Variants in WHAMM observed in about 807,000 individuals in gnomAD.
The protein encoded by WHAMM is WASP homolog-associated protein with actin, membranes and microtubules.
In WHAMM, 67 loss-of-function variants were observed where a neutral mutation model predicts 76.5. The ratio of observed to expected loss-of-function variants is 0.88; its 90% CI spans 0.72 to 1.07. The LOEUF is 1.07. Ranked by LOEUF, WHAMM falls within the 50% of genes least tolerant of loss-of-function variation. The probability of loss-of-function intolerance (pLI) is 0.00; values close to 1 mark genes in which losing one functional copy is unlikely to be tolerated. For missense variants in WHAMM, 1,021 were observed against 1,051.1 expected (o/e 0.97, Z 0.40); for synonymous variants, 419 against 422.1 (o/e 0.99, Z 0.09).
chr15:82,810,117 TG>T lies in WHAMM; in HGVS notation c.393del (p.Trp131CysfsTer85). ...GLGLGLWALL[W>X]PTRAGPGEAA... Reference sequence around the variant, plus strand: ...GGGGCTCGGGCTGTGGGCGCTGCTGTGGCCGACGCGCGCGGGTCCCGGCGAG... The same window carrying T: ...GGGGCTCGGGCTGTGGGCGCTGCTGTGCCGACGCGCGCGGGTCCCGGCGAG... On this transcript the variant is annotated frameshift_variant, in exon 1 of 10. Coordinates refer to ENST00000286760, the MANE Select transcript of WHAMM (RefSeq NM_001080435.3). LOFTEE classifies it high-confidence loss of function. The T allele has an allele frequency of 7.5e-7, 1 of 1,341,098 alleles. No homozygotes were observed. Among genetic ancestry groups the T allele is most frequent in the South Asian group, 1.6e-5 (1 of 61,854 alleles). 83.1% of individuals were successfully genotyped at this position (1,341,098 alleles called of 1,614,324 possible).
At chr15:82,827,386 C>A (rs1422402083) in intron 8 of WHAMM, among the ~76,000 whole-genome samples, 2 of 151,014 alleles carry the variant, frequency 1.3e-5, no homozygotes, top group Non-Finnish European at 2.9e-5. Context: ...ATTTGTATTT[C>A]CTCCACAAAA....
At position 82,832,991 on chromosome 15, in the gene WHAMM, G is replaced by C. The variant is rs200522957; in HGVS notation, c.2123-238G>C. ...CATGTCTGTTCCTGTCAGTTGCTATGGATTTGAAGAAGTTAGCAGAAAGGA... is the reference window on the plus strand; with the variant it reads ...CATGTCTGTTCCTGTCAGTTGCTATCGATTTGAAGAAGTTAGCAGAAAGGA... On this transcript the variant is annotated intron_variant, in intron 9 of 9. Transcript: ENST00000286760. Among the ~76,000 whole-genome samples, 9 of 152,288 alleles carry C rather than the reference G, an allele frequency of 5.9e-5. No homozygotes were observed. The East Asian group carries it at 1.7e-3, about 29-fold the overall frequency.
chr15:82,826,092 A>G (rs1236697356), intron 6 of WHAMM, among the ~76,000 whole-genome samples: 2 of 152,190 alleles, frequency 1.3e-5, no homozygotes, highest in African/African-American at 4.8e-5. Context: ...TTATGGGGAA[A>G]TGTGTTTAAA....
rs1304083908 is a variant in WHAMM, at chr15:82,835,986, C to T, written c.*2450C>T. On this transcript the variant is annotated 3_prime_UTR_variant, in exon 10 of 10. Transcript: ENST00000286760. ...TAATTTCAGTATTTTGAGATACCAG[C>T]GAGCTTAATCAGGCTAAAATAATTC... The T allele has an allele frequency of 1.3e-5, 2 of 152,188 alleles. No homozygotes were observed. The highest frequency in any genetic ancestry group is 2.4e-5 in the African/African-American group (1 of 41,436). 9.4% of individuals were successfully genotyped at this position (152,188 alleles called of 1,614,324 possible).
rs772916549 is a variant in WHAMM, at chr15:82,809,966, C to T, written c.240C>T (p.Gly80=). ...EAAVSPSSWA[G]LLSAAGLRGA... is the part of the protein sequence containing the mutation. ...CCGTCTCCCCGTCCAGCTGGGCCGG[C>T]CTGCTCTCGGCCGCGGGGCTCCGCG... The change falls in exon 1 of 10, where the codon GGC becomes GGT. Residue 80 remains glycine (G), a synonymous_variant. Transcript: ENST00000286760. 18 of 1,345,446 alleles carry T rather than the reference C, an allele frequency of 1.3e-5. No individual in the cohort carries two copies. In the East Asian group the frequency reaches 4.3e-4, roughly 32 times the overall value. The allele number at this position is 1,345,446 out of a possible 1,614,324, so 83.3% of individuals were successfully genotyped here.
At chr15:82,820,321 A>C (rs1322400995) in intron 5 of WHAMM, among the ~76,000 whole-genome samples, 1 of 152,208 alleles carries the variant, frequency 6.6e-6, no homozygotes, top group Non-Finnish European at 1.5e-5. Flanking sequence ...ATGGCTGCAT[A>C]GTATTCCATT....
intron 5 of WHAMM, among the ~76,000 whole-genome samples, chr15:82,822,470 C>T (rs918001020): frequency 6.6e-6 from 1 of 152,180 alleles, no homozygotes; most frequent in African/African-American, 2.4e-5. Context: ...TGGAGTCTTG[C>T]TCTGTTGCCC....
intron 2 of WHAMM, among the ~76,000 whole-genome samples, chr15:82,813,835 T>G (rs904229188): frequency 1.6e-4 from 24 of 151,700 alleles, no homozygotes; most frequent in Non-Finnish European, 2.9e-4. Context: ...TTTTTTTGTA[T>G]TTTTAGTAGA....
intron 5 of WHAMM, among the ~76,000 whole-genome samples, chr15:82,820,896 CAAAAAAAAAAAAAA>C (rs60974626): frequency 1.8e-4 from 22 of 119,618 alleles, no homozygotes; most frequent in Admixed American, 1.7e-4. Context: ...GACTCTGTCT[CAAAAAAAAAAAAAA>C]AAAAAAAAAA....
Position 82,826,859 on chromosome 15 carries a change from A to AG in WHAMM, c.1641+13_1641+14insG. On this transcript the variant is annotated intron_variant, in intron 8 of 9. Transcript: ENST00000286760. ...ATCATTTAAAGATGTAAGTTCTATAAACAATCACCTCATCTACACTTCTGG... is the reference window on the plus strand; with the variant it reads ...ATCATTTAAAGATGTAAGTTCTATAAGACAATCACCTCATCTACACTTCTGG... 6.8e-7 allele frequency: 1 copy of AG among 1,479,022 alleles called. No homozygotes were observed. Among genetic ancestry groups the AG allele is most frequent in the Non-Finnish European group, 9.0e-7 (1 of 1,110,948 alleles). 91.6% of individuals were successfully genotyped at this position (1,479,022 alleles called of 1,614,324 possible).
intron 9 of WHAMM, 87 bp from the exon 10 acceptor site, chr15:82,833,142 T>C (rs769239914): frequency 2.2e-6 from 3 of 1,384,960 alleles, no homozygotes; most frequent in Non-Finnish European, 2.9e-6. Flanking sequence ...TGTTAACTGA[T>C]AGGAGATTTC....
chr15:82,815,111 TTATATATA>T lies in WHAMM; in HGVS notation c.784-1544_784-1537del, dbSNP rs147147568. Among the ~76,000 whole-genome samples the T allele has an allele frequency of 9.5e-4, 47 of 49,622 alleles. 1 individual carries two copies. The highest frequency in any genetic ancestry group is 1.5e-3 in the East Asian group (2 of 1,362). The allele number at this position is 49,622 out of a possible 152,430, so 32.6% of individuals were successfully genotyped here. On this transcript the variant is annotated intron_variant, in intron 2 of 9. Coordinates refer to ENST00000286760, the MANE Select transcript of WHAMM (RefSeq NM_001080435.3). ...TGTTTTAAGATATCACTCACAGATT[TTATATATA>T]TATATATATATATATATATATATAT...
Position 82,810,248 on chromosome 15 carries a change from C to T in WHAMM, c.522C>T (p.Gly174=). The change falls in exon 1 of 10, where the codon GGC becomes GGT. Residue 174 remains glycine, a synonymous_variant. Coordinates refer to ENST00000286760, the MANE Select transcript of WHAMM (RefSeq NM_001080435.3). ...GCGACGCACTCTTCCCGGCTGAGGG[C>T]GGCGCGGCCGACTGCGAAAGCCCGC... ...TVRDALFPAE[G]GAADCESPRE... The T allele has an allele frequency of 5.0e-6, 7 of 1,391,168 alleles. No homozygotes were observed. Among genetic ancestry groups the T allele is most frequent in the Non-Finnish European group, 5.6e-6 (6 of 1,074,044 alleles). 86.2% of individuals were successfully genotyped at this position (1,391,168 alleles called of 1,614,324 possible).
chr15:82,809,979 G>A lies in WHAMM; in HGVS notation c.253G>A (p.Ala85Thr). The A allele has an allele frequency of 7.8e-7, 1 of 1,287,916 alleles. No homozygotes were observed. Among genetic ancestry groups the A allele is most frequent in the Non-Finnish European group, 9.8e-7 (1 of 1,019,000 alleles). 79.8% of individuals were successfully genotyped at this position (1,287,916 alleles called of 1,614,324 possible). Residue 85 changes from alanine (A) to threonine (T), a missense_variant, in exon 1 of 10, where the codon GCG becomes ACG. Physicochemically the swap from Ala to Thr is moderately conservative, Grantham distance 58. Around this residue, in one of 3 missense-constraint regions of WHAMM, gnomAD observed 501 missense variants for 524.9 expected, o/e 0.95. Transcript: ENST00000286760. ...CAGCTGGGCCGGCCTGCTCTCGGCC[G>A]CGGGGCTCCGCGGCGCGCACCGGCA... The part of the protein sequence containing the change: ...PSSWAGLLSA[A>T]GLRGAHRQLA...
chr15:82,811,623 C>G (rs2050630514), intron 1 of WHAMM, among the ~76,000 whole-genome samples: 1 of 152,064 alleles, frequency 6.6e-6, no homozygotes, highest in Non-Finnish European at 1.5e-5. Flanking sequence ...GGAGAGGAAG[C>G]TTAAATTCAA....
In WHAMM at chr15:82,810,192, G is replaced by GCGGCCGA. The variant is rs1491246519; in HGVS notation, c.471_477dup (p.Cys160ArgfsTer16). 7.1e-7 allele frequency: 1 copy of GCGGCCGA among 1,404,932 alleles called. No individual in the cohort carries two copies. Among genetic ancestry groups the GCGGCCGA allele is most frequent in the Admixed American group, 2.6e-5 (1 of 38,250 alleles). The allele number at this position is 1,404,932 out of a possible 1,614,324, so 87.0% of individuals were successfully genotyped here. ...GCAGCTGGAACGCTATCTGGGCGCG[G>GCGGCCGA]CGGCCGACGGCTGCGGCGGCGCCAC... On this transcript the variant is annotated frameshift_variant, in exon 1 of 10. Coordinates refer to ENST00000286760, the MANE Select transcript of WHAMM (RefSeq NM_001080435.3). LOFTEE classifies it high-confidence loss of function.
intron 6 of WHAMM, 29 bp downstream of exon 6, chr15:82,823,316 C>T: frequency 7.4e-7 from 1 of 1,358,928 alleles, no homozygotes; most frequent in Non-Finnish European, 9.6e-7. Context: ...GCTTTCTTTT[C>T]TTTTCTCTTT....
rs2051077919 is a variant in WHAMM, at chr15:82,833,676, C to T, written c.*140C>T. 1 of 893,822 alleles carries T rather than the reference C, an allele frequency of 1.1e-6. No homozygotes were observed. The highest frequency in any genetic ancestry group is 1.6e-6 in the Non-Finnish European group (1 of 609,080). The allele number at this position is 893,822 out of a possible 1,614,324, so 55.4% of individuals were successfully genotyped here. A position where few individuals can be genotyped will look rare whatever the true frequency, so the allele number is the denominator to read the frequency against. On this transcript the variant is annotated 3_prime_UTR_variant, in exon 10 of 10. Transcript: ENST00000286760. ...GAAGATCAGCAGGGCCTTGTGTAGG[C>T]TGCTGCAGCATTTTTTTTTTTTTTC... is the stretch of plus-strand genomic sequence containing the variant.
chr15:82,833,440 G>A lies in WHAMM; in HGVS notation c.2334G>A (p.Glu778=), dbSNP rs2051071103. ...PTSNRRTSDL[E]RSIKAALQRI... Reference sequence around the variant, plus strand: ...GCAACAGACGCACCAGTGACCTTGAGAGGAGCATCAAGGCTGCGCTCCAGA... The same window carrying A: ...GCAACAGACGCACCAGTGACCTTGAAAGGAGCATCAAGGCTGCGCTCCAGA... The change falls in exon 10 of 10, where the codon GAG becomes GAA. Residue 778 remains glutamate (E), a synonymous_variant. Transcript: ENST00000286760. 1.2e-6 allele frequency: 2 copies of A among 1,613,912 alleles called. No homozygotes were observed. The highest frequency in any genetic ancestry group is 2.7e-5 in the African/African-American group (2 of 74,922).
Sources: allele counts gnomAD v4.1 joint callset (sites outside exome capture counted in the v4.1 genomes callset), GRCh38; gene constraint gnomAD v4.1.1; regional missense constraint gnomAD v4.1.1; transcripts MANE v1.5; gene names NCBI Gene and HGNC (gene_info 2026-07-23, HGNC 2026-07-21).